SNX3: variants seen among roughly 807,000 people sequenced by gnomAD.
SNX3 encodes sorting nexin-3.
In SNX3, 5 loss-of-function variants were observed where a neutral mutation model predicts 17.7. The observed-to-expected ratio is 0.28, with a 90% confidence interval of 0.15 to 0.59. The LOEUF is 0.59. Among genes scored for constraint, SNX3 ranks in the 20% least tolerant of loss-of-function variants. The pLI, the probability that SNX3 is intolerant of heterozygous loss-of-function variation, is 0.88. For missense variants in SNX3, 132 were observed against 206.8 expected (o/e 0.64, Z 2.22); for synonymous variants, 91 against 76.5 (o/e 1.19, Z -0.99).
At chr6:108,254,236 C>T (rs1265141315) in intron 1 of SNX3, among the ~76,000 whole-genome samples, 2 of 151,806 alleles carry the variant, frequency 1.3e-5, no homozygotes, top group Non-Finnish European at 2.9e-5. Flanking sequence ...TGTGAGGGCT[C>T]TGGGCAACCA....
At chr6:108,237,595 G>C (rs1775389968) in intron 1 of SNX3, among the ~76,000 whole-genome samples, 1 of 152,090 alleles carries the variant, frequency 6.6e-6, no homozygotes, top group African/African-American at 2.4e-5. Context: ...CTCGAGACCA[G>C]CCTGGCTAAC....
chr6:108,243,505 G>A (rs1351416289), intron 1 of SNX3, among the ~76,000 whole-genome samples: 1 of 152,180 alleles, frequency 6.6e-6, no homozygotes, highest in Non-Finnish European at 1.5e-5. Context: ...GCTCATGTGT[G>A]TGACATGCCT....
At chr6:108,222,460 A>G in intron 2 of SNX3, 1 of 731,214 alleles carries the variant, frequency 1.4e-6, no homozygotes, top group South Asian at 1.7e-5. Context: ...GATCATGGCC[A>G]TCATTTAAAA....
chr6:108,220,473 T>G (rs1017475161), intron 2 of SNX3, among the ~76,000 whole-genome samples: 5 of 152,178 alleles, frequency 3.3e-5, no homozygotes, highest in Non-Finnish European at 7.3e-5. Flanking sequence ...TTAAGTACAG[T>G]AACATGTTGG....
At chr6:108,239,264 G>A (rs974068095) in intron 1 of SNX3, among the ~76,000 whole-genome samples, 2 of 151,960 alleles carry the variant, frequency 1.3e-5, no homozygotes, top group East Asian at 3.9e-4. Context: ...AGCAGACCCG[G>A]GTTCGACTCC....
chr6:108,223,581 T>C (rs890457070), intron 1 of SNX3, among the ~76,000 whole-genome samples: 7 of 131,930 alleles, frequency 5.3e-5, no homozygotes, highest in African/African-American at 2.1e-4. Context: ...CACTGCAACC[T>C]CCACCTCCTA....
chr6:108,255,895 G>A (rs1776014730), intron 1 of SNX3, among the ~76,000 whole-genome samples: 2 of 152,068 alleles, frequency 1.3e-5, no homozygotes, highest in African/African-American at 2.4e-5. Flanking sequence ...ATCAGCCAAC[G>A]TTATTATTCA....
intron 1 of SNX3, among the ~76,000 whole-genome samples, chr6:108,242,887 T>C (rs1050201532): frequency 2.0e-5 from 3 of 152,112 alleles, no homozygotes; most frequent in African/African-American, 7.2e-5. Context: ...AGAAAATTAA[T>C]ACTGCCCACA....
intron 1 of SNX3, among the ~76,000 whole-genome samples, chr6:108,259,030 T>C (rs1396044433): frequency 1.3e-5 from 2 of 152,104 alleles, no homozygotes; most frequent in African/African-American, 4.8e-5. Flanking sequence ...CAAGTTCTGT[T>C]TTAGCACAAG....
intron 1 of SNX3, among the ~76,000 whole-genome samples, chr6:108,230,475 T>C (rs966413365): frequency 2.6e-5 from 4 of 152,176 alleles, no homozygotes; most frequent in Non-Finnish European, 4.4e-5. Flanking sequence ...GTGGGCACAG[T>C]GATCACAGAC....
intron 1 of SNX3, 104 bp from the exon 2 acceptor site, chr6:108,223,149 CTTTT>C (rs373299849): frequency 7.7e-6 from 5 of 653,486 alleles, no homozygotes; most frequent in Non-Finnish European, 1.3e-5. Context: ...CTTTCTTTTT[CTTTT>C]TTTGAGACAG....
chr6:108,259,862 T>C (rs769286111), intron 1 of SNX3, among the ~76,000 whole-genome samples: 2 of 152,240 alleles, frequency 1.3e-5, no homozygotes, highest in Non-Finnish European at 2.9e-5. Context: ...TAACTTTTAA[T>C]AATTTGCTGT....
In SNX3 at chr6:108,261,020, G is replaced by T; in HGVS notation, c.-99C>A. 8.5e-7 allele frequency: 1 copy of T among 1,171,338 alleles called. No individual in the cohort carries two copies. The highest frequency in any genetic ancestry group is 1.1e-6 in the Non-Finnish European group (1 of 891,740). 72.6% of individuals were successfully genotyped at this position (1,171,338 alleles called of 1,614,324 possible). A position where few individuals can be genotyped will look rare whatever the true frequency, so the allele number is the denominator to read the frequency against. ...TGCCCGCCGTGGGGACACGGGGCTC[G>T]CGCGCAGCGGTCGCGAAGAGAACGA... On this transcript the variant is annotated 5_prime_UTR_variant, in exon 1 of 4. Transcript: ENST00000230085.
chr6:108,235,036 G>C (rs542208916), intron 1 of SNX3, among the ~76,000 whole-genome samples: 1 of 152,200 alleles, frequency 6.6e-6, no homozygotes, highest in African/African-American at 2.4e-5. Flanking sequence ...AGAATGAGAA[G>C]GAACACTGCA....
chr6:108,227,733 T>C (rs1242941345), intron 1 of SNX3, among the ~76,000 whole-genome samples: 7 of 152,158 alleles, frequency 4.6e-5, no homozygotes, highest in African/African-American at 1.7e-4. Context: ...GTGGTTAACT[T>C]AGCCTGTTAA....
intron 1 of SNX3, among the ~76,000 whole-genome samples, chr6:108,230,595 T>C (rs1775115816): frequency 6.6e-6 from 1 of 152,200 alleles, no homozygotes; most frequent in Non-Finnish European, 1.5e-5. Flanking sequence ...ATGCTGAAGA[T>C]TCTGAGTTTG....
rs1562446474 is a variant in SNX3 at position 108,260,970 on chromosome 6, G to T, written c.-49C>A. 10 of 1,450,498 alleles carry T rather than the reference G, an allele frequency of 6.9e-6. No individual in the cohort carries two copies. Among genetic ancestry groups the T allele is most frequent in the Non-Finnish European group, 8.1e-6 (9 of 1,107,500 alleles). 89.9% of individuals were successfully genotyped at this position (1,450,498 alleles called of 1,614,324 possible). The stretch of plus-strand genomic sequence containing the variant: ...CGCGGGCTCCCTCCGCCCCCTCCGC[G>T]TTCAGCCGCCGCCGCCGCCGCTGCT... On this transcript the variant is annotated 5_prime_UTR_variant, in exon 1 of 4. Coordinates refer to ENST00000230085, the MANE Select transcript of SNX3 (RefSeq NM_003795.6).
At chr6:108,231,386 T>C (rs953458281) in intron 1 of SNX3, among the ~76,000 whole-genome samples, 7 of 152,184 alleles carry the variant, frequency 4.6e-5, no homozygotes, top group Non-Finnish European at 7.3e-5. Context: ...CACTCAGCCC[T>C]CTGGTTGTTT....
intron 1 of SNX3, among the ~76,000 whole-genome samples, chr6:108,241,040 T>TCAAG (rs1775502877): frequency 1.4e-5 from 2 of 144,682 alleles, no homozygotes; most frequent in African/African-American, 2.6e-5. Context: ...TACTTGGGAG[T>TCAAG]CTGAGACAAG....
Sources: gnomAD v4.1 joint callset for allele counts (sites outside exome capture counted in the v4.1 genomes callset) on GRCh38, gnomAD v4.1.1 for gene constraint, MANE v1.5 for transcripts, NCBI Gene and HGNC (gene_info 2026-07-23, HGNC 2026-07-21) for gene names.